BRF1: variants seen among roughly 807,000 people sequenced by gnomAD.
BRF1 encodes BRF1 general transcription factor IIIB subunit, also known as transcription factor IIIB 90 kDa subunit.
A neutral mutation model predicts 81.7 loss-of-function variants in BRF1; 59 were observed. The ratio of observed to expected loss-of-function variants is 0.72; its 90% CI spans 0.59 to 0.90. BRF1 has a LOEUF of 0.90. Ranked by LOEUF, BRF1 falls within the 40% of genes least tolerant of loss-of-function variation. The pLI is 0.00. For synonymous variants in BRF1, 491 were observed against 395.6 expected (o/e 1.24, Z -2.86); for missense variants, 1,050 against 936.3 (o/e 1.12, Z -1.58).
intron 1 of BRF1, among the ~76,000 whole-genome samples, chr14:105,294,397 C>G (rs1273508135): frequency 6.6e-6 from 1 of 152,256 alleles, no homozygotes; most frequent in African/African-American, 2.4e-5. Context: ...CCATCCTCCC[C>G]CGGCAGGGCA....
chr14:105,306,157 G>A (rs2058180531), intron 1 of BRF1, among the ~76,000 whole-genome samples: 1 of 152,178 alleles, frequency 6.6e-6, no homozygotes, highest in African/African-American at 2.4e-5. Context: ...GACCAGGAAG[G>A]ATTTCCTTTT....
chr14:105,298,723 C>T (rs1311620735), intron 1 of BRF1, among the ~76,000 whole-genome samples: 5 of 151,992 alleles, frequency 3.3e-5, no homozygotes, highest in Non-Finnish European at 5.9e-5. Flanking sequence ...AGTGAGGTGG[C>T]GCACGCCTGT....
chr14:105,212,646 A>C (rs1440299626), intron 15 of BRF1: 1 of 151,508 alleles, frequency 6.6e-6, no homozygotes, highest in Non-Finnish European at 1.4e-5. Context: ...TCCACATGCC[A>C]AGTCTTCTTG....
Position 105,228,971 on chromosome 14 carries a change from T to C in BRF1, c.695-58A>G. ...CGGCTGGGAACCAGGGCAACATCTG[T>C]GGCGGCCCAGGACAACACTGCGGAT... On this transcript the variant is annotated intron_variant, in intron 6 of 17. Transcript: ENST00000547530. 6 of 1,520,082 alleles carry C rather than the reference T, an allele frequency of 3.9e-6. 1 individual carries two copies. In the South Asian group the frequency reaches 4.5e-5, roughly 11 times the overall value. 94.2% of individuals were successfully genotyped at this position (1,520,082 alleles called of 1,614,324 possible).
intron 1 of BRF1, among the ~76,000 whole-genome samples, chr14:105,290,987 G>A (rs1021180554): frequency 2.0e-5 from 3 of 152,082 alleles, no homozygotes; most frequent in Admixed American, 6.6e-5. Context: ...AAAGAGGAAA[G>A]TGCCACCTCT....
chr14:105,218,572 G>A (rs945962487), intron 14 of BRF1, among the ~76,000 whole-genome samples: 1 of 152,234 alleles, frequency 6.6e-6, no homozygotes, highest in Non-Finnish European at 1.5e-5. Flanking sequence ...TGCACCACGA[G>A]GCTGAAGGCA....
At chr14:105,253,748 T>C (rs995070986) in intron 4 of BRF1, among the ~76,000 whole-genome samples, 5 of 152,218 alleles carry the variant, frequency 3.3e-5, no homozygotes, top group African/African-American at 1.2e-4. Flanking sequence ...AGCTTCCATC[T>C]TCTCCATTAT....
upstream of BRF1, among the ~76,000 whole-genome samples, chr14:105,302,890 C>T (rs1302155689): frequency 6.6e-6 from 1 of 151,982 alleles, no homozygotes; most frequent in Non-Finnish European, 1.5e-5. Flanking sequence ...CCTGTCCTCC[C>T]AAAGTGCTGG....
rs752337983 is a variant in BRF1 at position 105,220,094 on chromosome 14, C to T, written c.1352G>A (p.Gly451Asp). The change falls in exon 12 of 18, where the codon GGC becomes GAC. Residue 451 changes from glycine to aspartate, a missense_variant. Gly to Asp is a moderately conservative substitution (Grantham distance 94, BLOSUM62 -1). Around this residue, in one of 2 missense-constraint regions of BRF1, gnomAD observed 1,043 missense variants for 915.4 expected, o/e 1.14. Coordinates refer to ENST00000547530, the MANE Select transcript of BRF1 (RefSeq NM_001519.4). ...ASGDGELDLS[G>D]IDDLEIDRYI... ...CCTGTCAATCTCCAGGTCATCAATG[C>T]CACTGAGGTCCAGCTCACCGTCTCC... 5.0e-6 allele frequency: 8 copies of T among 1,613,382 alleles called. No individual in the cohort carries two copies. The East Asian group carries it at 1.6e-4, about 31-fold the overall frequency.
chr14:105,265,952 T>A (rs1181228825), intron 3 of BRF1, among the ~76,000 whole-genome samples: 1 of 145,834 alleles, frequency 6.9e-6, no homozygotes, highest in African/African-American at 2.6e-5. Flanking sequence ...GCACCTGTAA[T>A]CCCAGCTACT....
chr14:105,247,860 T>G, intron 5 of BRF1: 1 of 985,642 alleles, frequency 1.0e-6, no homozygotes, highest in Non-Finnish European at 1.2e-6. Context: ...GGTCTCCTCA[T>G]CAGCAAAGCC....
intron 2 of BRF1, among the ~76,000 whole-genome samples, chr14:105,279,396 C>T (rs182722280): frequency 6.6e-5 from 10 of 152,292 alleles, no homozygotes; most frequent in East Asian, 3.9e-4. Flanking sequence ...GCACAAAAGA[C>T]GCCAATAGGC....
At position 105,269,470 on chromosome 14, in the gene BRF1, C is replaced by T. The variant is rs2056566782; in HGVS notation, c.439+3251G>A. On this transcript the variant is annotated intron_variant, in intron 3 of 17. Transcript: ENST00000547530. This position sits in a 1 kb window ranked among gnomAD's most constrained non-coding sequence, Gnocchi z 5.0. ...CGGGCAGTGGGTTTTCGTAAATCCC[C>T]AGAGCTGAGCAACCACCACCAGGAT... Among the ~76,000 whole-genome samples, 2 of 152,132 alleles carry T rather than the reference C, an allele frequency of 1.3e-5. No individual in the cohort carries two copies. The highest frequency in any genetic ancestry group is 6.5e-5 in the Admixed American group (1 of 15,268).
intron 3 of BRF1, among the ~76,000 whole-genome samples, chr14:105,266,470 A>G (rs1269925473): frequency 6.9e-6 from 1 of 145,406 alleles, no homozygotes; most frequent in African/African-American, 2.7e-5. Flanking sequence ...GATTAAGGGG[A>G]AAATGTACAT....
intron 1 of BRF1, chr14:105,314,868 C>T (rs1415846776): frequency 2.8e-5 from 25 of 878,928 alleles, no homozygotes; most frequent in Non-Finnish European, 3.3e-5. Context: ...GCCGCGCGTC[C>T]GCGGCCCGGC....
chr14:105,282,668 C>T (rs1228739109), intron 2 of BRF1, among the ~76,000 whole-genome samples: 1 of 152,146 alleles, frequency 6.6e-6, no homozygotes, highest in African/African-American at 2.4e-5. Flanking sequence ...TGTAGTGGCT[C>T]ACACCTCTAA....
At chr14:105,241,727 C>G (rs750832867) in intron 5 of BRF1, 6 of 423,228 alleles carry the variant, frequency 1.4e-5, no homozygotes, top group South Asian at 7.1e-5. Flanking sequence ...GCCTTCCCTC[C>G]AGACCATGCA....
At chr14:105,261,106 C>T (rs1386574206) in intron 3 of BRF1, among the ~76,000 whole-genome samples, 1 of 152,224 alleles carries the variant, frequency 6.6e-6, no homozygotes, top group Non-Finnish European at 1.5e-5. Context: ...CTGCGGCCCC[C>T]AGGGTGCGAA....
chr14:105,246,249 C>T (rs907728961), intron 5 of BRF1, among the ~76,000 whole-genome samples: 1 of 151,886 alleles, frequency 6.6e-6, no homozygotes. Flanking sequence ...CTTGAACAGA[C>T]GTTTCTCCAA....
Sources: gnomAD v4.1 joint callset for allele counts (sites outside exome capture counted in the v4.1 genomes callset) on GRCh38, gnomAD v4.1.1 for gene constraint, gnomAD v4.1.1 regional missense constraint, Gnocchi (gnomAD v3.1) non-coding constraint, MANE v1.5 for transcripts, NCBI Gene and HGNC (gene_info 2026-07-23, HGNC 2026-07-21) for gene names.